Variants in SERPINI1 observed in about 807,000 individuals in gnomAD.
SERPINI1 encodes serpin family I member 1.
A neutral mutation model predicts 41.1 loss-of-function variants in SERPINI1; 19 were observed. The observed-to-expected ratio is 0.46, with a 90% CI of 0.32 to 0.68. The LOEUF is 0.68. Among genes scored for constraint, SERPINI1 ranks in the 30% least tolerant of loss-of-function variants. The pLI, the probability that SERPINI1 is intolerant of heterozygous loss-of-function variation, is 0.03. For synonymous variants in SERPINI1, 138 were observed against 156.6 expected, an observed-to-expected ratio of 0.88 and a Z score of 0.89; for missense variants, 460 against 479.2, an observed-to-expected ratio of 0.96 and a Z score of 0.37.
intron 1 of SERPINI1, among the ~76,000 whole-genome samples, chr3:167,766,116 A>G (rs1726558324): frequency 6.6e-6 from 1 of 151,266 alleles, no homozygotes; most frequent in South Asian, 2.1e-4. Context: ...TCGCTTCCAC[A>G]TTTGTGGGTA....
chr3:167,794,646 G>T lies in SERPINI1; in HGVS notation c.703G>T (p.Ala235Ser), dbSNP rs774334657. The T allele has an allele frequency of 5.0e-6, 8 of 1,613,338 alleles. No individual in the cohort carries two copies. The African/African-American group carries it at 1.1e-4, about 22-fold the overall frequency. ...YGEFSDGSNE[A>S]GGIYQVLEIP... The stretch of plus-strand genomic sequence containing the variant: ...GGAATTTAGTGATGGCTCCAATGAA[G>T]CTGGTGGTATCTACCAAGTCCTAGA... The change falls in exon 5 of 9, where the codon GCT becomes TCT. Residue 235 changes from alanine to serine, a missense_variant. Transcript: ENST00000446050.
rs535570620 is a variant in SERPINI1, at chr3:167,793,715, C to T, written c.677-905C>T. Among the ~76,000 whole-genome samples, 10 of 151,088 alleles carry T rather than the reference C, an allele frequency of 6.6e-5. No homozygotes were observed. In the South Asian group the frequency reaches 1.5e-3, roughly 22 times the overall value. ...CTGCAGTGAGCTATGATCACACCACCGCACTCCAGCTTAGGTGGCAGAGCA... is the reference window on the plus strand; with the variant it reads ...CTGCAGTGAGCTATGATCACACCACTGCACTCCAGCTTAGGTGGCAGAGCA... On this transcript the variant is annotated intron_variant, in intron 4 of 8. Coordinates refer to ENST00000446050, the MANE Select transcript of SERPINI1 (RefSeq NM_001122752.2).
intron 1 of SERPINI1, among the ~76,000 whole-genome samples, chr3:167,776,002 G>C (rs1426302471): frequency 2.0e-5 from 3 of 152,130 alleles, no homozygotes; most frequent in African/African-American, 7.2e-5. Flanking sequence ...CCTACAAAAT[G>C]GGGGGAGGCC....
intron 1 of SERPINI1, among the ~76,000 whole-genome samples, chr3:167,769,992 C>CTTT (rs1726692631): frequency 1.5e-5 from 2 of 134,264 alleles, no homozygotes; most frequent in African/African-American, 2.8e-5. Context: ...TTTTTTTTTC[C>CTTT]TGTGGATTAT....
chr3:167,779,623 A>G (rs1727058923), intron 1 of SERPINI1, among the ~76,000 whole-genome samples: 1 of 152,228 alleles, frequency 6.6e-6, no homozygotes, highest in African/African-American at 2.4e-5. Context: ...TTTTCATTGA[A>G]GACATCCAGT....
intron 1 of SERPINI1, among the ~76,000 whole-genome samples, chr3:167,768,739 C>T (rs1392584226): frequency 6.6e-6 from 1 of 152,134 alleles, no homozygotes; most frequent in Admixed American, 6.5e-5. Flanking sequence ...GAAGATCCTA[C>T]TGAATAGAAT....
chr3:167,792,540 G>T, intron 3 of SERPINI1, 50 bp from the exon 4 acceptor site: 1 of 1,512,770 alleles, frequency 6.6e-7, no homozygotes, highest in Non-Finnish European at 9.2e-7. Context: ...GGTCCCCCTT[G>T]ATCTTCCAGT....
At chr3:167,785,720 A>G (rs1727282081) in intron 1 of SERPINI1, among the ~76,000 whole-genome samples, 1 of 152,212 alleles carries the variant, frequency 6.6e-6, no homozygotes, top group Admixed American at 6.5e-5. Context: ...AATGCCTGGG[A>G]TCATAGTAGA....
At chr3:167,759,994 G>T (rs532167022) in intron 1 of SERPINI1, among the ~76,000 whole-genome samples, 9 of 152,092 alleles carry the variant, frequency 5.9e-5, no homozygotes, top group Non-Finnish European at 5.9e-5. Context: ...TATATGCCAC[G>T]TGTCCTTAGT....
intron 1 of SERPINI1, among the ~76,000 whole-genome samples, chr3:167,777,650 C>A (rs928056611): frequency 3.9e-5 from 6 of 152,108 alleles, no homozygotes; most frequent in Non-Finnish European, 8.8e-5. Context: ...ACCCTTCTCT[C>A]AATGCTGAGG....
intron 5 of SERPINI1, among the ~76,000 whole-genome samples, chr3:167,801,496 A>G (rs1245281375): frequency 2.0e-5 from 3 of 152,178 alleles, no homozygotes; most frequent in Non-Finnish European, 2.9e-5. Flanking sequence ...ACTGTCAGAA[A>G]GACCTCCATT....
At chr3:167,795,033 C>T (rs1214366180) in intron 5 of SERPINI1, among the ~76,000 whole-genome samples, 2 of 151,970 alleles carry the variant, frequency 1.3e-5, no homozygotes, top group African/African-American at 4.8e-5. Flanking sequence ...CTTTCATACT[C>T]ATGTGGTCCT....
chr3:167,772,823 ACTCTCTCT>A (rs1172788769), intron 1 of SERPINI1, among the ~76,000 whole-genome samples: 1,463 of 23,732 alleles, frequency 0.062, 84 homozygotes, highest in Middle Eastern at 0.14. Context: ...GTATCTTGAG[ACTCTCTCT>A]CTCTCTCTCT....
chr3:167,738,849 G>A (rs1049062965), intron 1 of SERPINI1, among the ~76,000 whole-genome samples: 41 of 150,982 alleles, frequency 2.7e-4, no homozygotes, highest in African/African-American at 8.5e-4. Flanking sequence ...GTATTCATTA[G>A]ATTTTGAATA....
At chr3:167,807,723 G>T (rs1199397089) in intron 6 of SERPINI1, among the ~76,000 whole-genome samples, 1 of 152,148 alleles carries the variant, frequency 6.6e-6, no homozygotes, top group Non-Finnish European at 1.5e-5. Flanking sequence ...GAGGATAAAT[G>T]AGTGACTGCT....
At chr3:167,774,910 G>C (rs1726912086) in intron 1 of SERPINI1, among the ~76,000 whole-genome samples, 1 of 152,124 alleles carries the variant, frequency 6.6e-6, no homozygotes, top group Non-Finnish European at 1.5e-5. Flanking sequence ...GGCTGACATT[G>C]TAGTGGAGAG....
intron 1 of SERPINI1, among the ~76,000 whole-genome samples, chr3:167,742,818 TTGTGTGTGTGTGTGTGTGTGTG>T: frequency 6.9e-6 from 1 of 145,094 alleles, no homozygotes; most frequent in East Asian, 2.1e-4. Flanking sequence ...TTGTGCCGTT[TTGTGTGTGTGTGTGTGTGTGTG>T]TGTGTGTGTG....
At position 167,754,586 on chromosome 3, in the gene SERPINI1, A is replaced by G. The variant is rs142651586; in HGVS notation, c.-19+18763A>G. ...TGGCCATAAGGAAATCCACAGTGCA[A>G]AATCTGAATTTTCACGTCCTTGGAA... On this transcript the variant is annotated intron_variant, in intron 1 of 8. Coordinates refer to ENST00000446050, the MANE Select transcript of SERPINI1 (RefSeq NM_001122752.2). 4.6e-3 allele frequency among the ~76,000 whole-genome samples: 698 copies of G among 152,338 alleles called. 7 individuals are homozygous for G. The highest frequency in any genetic ancestry group is 0.016 in the African/African-American group (652 of 41,590).
chr3:167,811,081 T>C (rs1409344484), intron 6 of SERPINI1, among the ~76,000 whole-genome samples: 1 of 151,972 alleles, frequency 6.6e-6, no homozygotes, highest in Non-Finnish European at 1.5e-5. Flanking sequence ...CTTCCTACAA[T>C]GAAATTTTGA....
Sources: gnomAD v4.1 joint callset for allele counts (sites outside exome capture counted in the v4.1 genomes callset) on GRCh38, gnomAD v4.1.1 for gene constraint, MANE v1.5 for transcripts, NCBI Gene and HGNC (gene_info 2026-07-23, HGNC 2026-07-21) for gene names.